Variants in CSMD3 observed in about 807,000 individuals in gnomAD.
CSMD3 encodes the protein CUB and sushi domain-containing protein 3.
Under a neutral mutation model 435.2 loss-of-function variants are expected in CSMD3, and 177 were observed. The observed-to-expected ratio is 0.41, with a 90% CI of 0.36 to 0.46. The LOEUF is 0.46. Among genes scored for constraint, CSMD3 ranks in the 20% least tolerant of loss-of-function variants. CSMD3 has a pLI of 0.34. For synonymous variants in CSMD3, 1,656 were observed against 1,520.5 expected (o/e 1.09, Z -2.07); for missense variants, 4,265 against 4,504.6 (o/e 0.95, Z 1.52).
intron 17 of CSMD3, among the ~76,000 whole-genome samples, chr8:112,661,596 A>G (rs769035833): frequency 1.3e-5 from 2 of 152,036 alleles, no homozygotes; most frequent in Non-Finnish European, 2.9e-5. Flanking sequence ...ATGATTAATG[A>G]CTCTCATTAG....
At chr8:113,278,119 T>C (rs1414891819) in intron 3 of CSMD3, among the ~76,000 whole-genome samples, 1 of 151,954 alleles carries the variant, frequency 6.6e-6, no homozygotes, top group Non-Finnish European at 1.5e-5. Context: ...AAATATTTAG[T>C]TGTCCTCTTC....
chr8:113,320,046 A>C (rs747745009), intron 1 of CSMD3, among the ~76,000 whole-genome samples: 2 of 152,082 alleles, frequency 1.3e-5, no homozygotes, highest in Non-Finnish European at 2.9e-5. Flanking sequence ...AATCTAAAAC[A>C]TGAGATAGCA....
chr8:112,429,626 C>G (rs1303780967), intron 32 of CSMD3, among the ~76,000 whole-genome samples: 1 of 151,974 alleles, frequency 6.6e-6, no homozygotes, highest in East Asian at 1.9e-4. Flanking sequence ...AATGGCTCCT[C>G]CTACCTGGAT....
At chr8:112,790,434 C>T (rs2078658509) in intron 13 of CSMD3, among the ~76,000 whole-genome samples, 1 of 151,554 alleles carries the variant, frequency 6.6e-6, no homozygotes, top group South Asian at 2.1e-4. Context: ...AAAATCAGTT[C>T]CTCACAAAAG....
At chr8:113,138,937 AT>A (rs1170685507) in intron 4 of CSMD3, among the ~76,000 whole-genome samples, 3 of 151,264 alleles carry the variant, frequency 2.0e-5, no homozygotes, top group African/African-American at 7.2e-5. Context: ...TTAGTATTGT[AT>A]TATGTTTACA....
At chr8:113,031,380 C>T (rs890052095) in intron 5 of CSMD3, among the ~76,000 whole-genome samples, 4 of 151,508 alleles carry the variant, frequency 2.6e-5, no homozygotes, top group Non-Finnish European at 5.9e-5. Context: ...ATGTATAAAA[C>T]AGAACATTAA....
intron 1 of CSMD3, among the ~76,000 whole-genome samples, chr8:113,329,253 AC>A (rs1409416526): frequency 2.6e-5 from 4 of 151,336 alleles, no homozygotes; most frequent in African/African-American, 9.7e-5. Flanking sequence ...CTGAAAATGT[AC>A]AAATAATGTC....
intron 65 of CSMD3, among the ~76,000 whole-genome samples, chr8:112,242,895 A>G (rs1255442739): frequency 6.6e-6 from 1 of 152,114 alleles, no homozygotes; most frequent in African/African-American, 2.4e-5. Flanking sequence ...ACATCACCTA[A>G]AAGTGAATAC....
At chr8:112,484,330 T>A (rs1418879575) in intron 31 of CSMD3, among the ~76,000 whole-genome samples, 1 of 152,188 alleles carries the variant, frequency 6.6e-6, no homozygotes, top group African/African-American at 2.4e-5. Flanking sequence ...ATAGATTTTT[T>A]ATACTGCATT....
At chr8:112,252,377 A>T (rs1189512964) in intron 63 of CSMD3, among the ~76,000 whole-genome samples, 2 of 152,052 alleles carry the variant, frequency 1.3e-5, no homozygotes, top group East Asian at 3.9e-4. Context: ...AACAGAAAGT[A>T]GTATAAAAAA....
intron 22 of CSMD3, among the ~76,000 whole-genome samples, chr8:112,602,674 T>C (rs1344641459): frequency 6.6e-6 from 1 of 151,826 alleles, no homozygotes. Context: ...ACCGATAACA[T>C]AGTCAATTAA....
chr8:112,278,540 A>G (rs1818309626), intron 59 of CSMD3, among the ~76,000 whole-genome samples: 1 of 152,126 alleles, frequency 6.6e-6, no homozygotes, highest in African/African-American at 2.4e-5. Flanking sequence ...GCTCAGATGA[A>G]TGTCTTACTC....
chr8:113,137,248 A>C (rs1234286471), intron 4 of CSMD3, among the ~76,000 whole-genome samples: 1 of 151,714 alleles, frequency 6.6e-6, no homozygotes, highest in African/African-American at 2.4e-5. Flanking sequence ...AGTTTAAAAA[A>C]TTTAAATGAT....
chr8:112,278,703 C>G (rs1455770226), intron 59 of CSMD3, among the ~76,000 whole-genome samples: 1 of 152,094 alleles, frequency 6.6e-6, no homozygotes, highest in Non-Finnish European at 1.5e-5. Flanking sequence ...CCAGTCCATA[C>G]CTAAACTCAG....
intron 22 of CSMD3, among the ~76,000 whole-genome samples, chr8:112,598,439 C>A (rs1485179977): frequency 1.3e-5 from 2 of 148,304 alleles, no homozygotes; most frequent in Non-Finnish European, 3.0e-5. Context: ...AATGGCCATA[C>A]TGCCCAAGGT....
chr8:113,098,530 A>C, intron 5 of CSMD3: 1 of 537,810 alleles, frequency 1.9e-6, no homozygotes, highest in East Asian at 3.3e-5. Context: ...GTAGATTACA[A>C]TAGGAATAAC....
chr8:112,849,833 A>G (rs989540851), intron 11 of CSMD3, among the ~76,000 whole-genome samples: 1 of 152,042 alleles, frequency 6.6e-6, no homozygotes. Flanking sequence ...GCAAAAGCTA[A>G]AATTCCAGAC....
intron 4 of CSMD3, among the ~76,000 whole-genome samples, chr8:113,135,907 A>T (rs1250090414): frequency 1.3e-5 from 2 of 151,894 alleles, no homozygotes; most frequent in Non-Finnish European, 2.9e-5. Flanking sequence ...TTTAAGTCTA[A>T]TTTAACTAAA....
intron 5 of CSMD3, chr8:113,098,462 A>G (rs1338509193): frequency 7.8e-6 from 3 of 382,712 alleles, no homozygotes; most frequent in South Asian, 2.6e-5. Flanking sequence ...TTCCAAGACT[A>G]TTCAATTAAT....
Sources: gnomAD v4.1 joint callset for allele counts (sites outside exome capture counted in the v4.1 genomes callset) on GRCh38, gnomAD v4.1.1 for gene constraint, MANE v1.5 for transcripts, NCBI Gene and HGNC (gene_info 2026-07-23, HGNC 2026-07-21) for gene names.